EIF3M: variants seen among roughly 807,000 people sequenced by gnomAD.
EIF3M encodes B5 receptor.
In EIF3M, 25 loss-of-function variants were observed where a neutral mutation model predicts 49.7. That is an observed-to-expected ratio of 0.50 (90% CI 0.37 to 0.70). EIF3M has a LOEUF of 0.70. Ranked by LOEUF, EIF3M falls within the 30% of genes least tolerant of loss-of-function variation. The pLI is 0.00. For missense variants in EIF3M, 350 were observed against 440.0 expected, an observed-to-expected ratio of 0.80 and a Z score of 1.83; for synonymous variants, 156 against 149.8, an observed-to-expected ratio of 1.04 and a Z score of -0.30.
intron 6 of EIF3M, 138 bp downstream of exon 6, chr11:32,594,087 C>A: frequency 2.1e-6 from 1 of 476,750 alleles, no homozygotes; most frequent in Non-Finnish European, 3.5e-6. Context: ...CCTGGTGATT[C>A]TAATGTAGAT....
At chr11:32,588,138 C>T (rs2133193864) in intron 2 of EIF3M, among the ~76,000 whole-genome samples, 1 of 152,206 alleles carries the variant, frequency 6.6e-6, no homozygotes, top group Middle Eastern at 3.4e-3. Context: ...CGCCTGTAAT[C>T]CCAGCACTTT....
At chr11:32,598,087 T>C (rs534574386) in intron 8 of EIF3M, among the ~76,000 whole-genome samples, 2 of 152,290 alleles carry the variant, frequency 1.3e-5, no homozygotes, top group South Asian at 4.1e-4. Context: ...CCCAGTTAAT[T>C]TGTTTTGTGG....
chr11:32,596,045 T>G lies in EIF3M; in HGVS notation c.797T>G (p.Leu266Arg). 6.4e-7 allele frequency: 1 copy of G among 1,550,718 alleles called. No homozygotes were observed. The highest frequency in any genetic ancestry group is 8.6e-7 in the Non-Finnish European group (1 of 1,158,214). The change falls in exon 8 of 11, where the codon CTT becomes CGT. Residue 266 changes from leucine to arginine, a missense_variant and splice_region_variant. Leu to Arg is a moderately radical substitution (Grantham distance 102). Transcript: ENST00000531120. ...YQNNKDFIDS[L>R]GLLHEQNMAK... Reference sequence around the variant, plus strand: ...AATAATAAAGACTTCATTGATTCACTTGGTAAGTTTTGGGGTTTATTCTTT... The same window carrying G: ...AATAATAAAGACTTCATTGATTCACGTGGTAAGTTTTGGGGTTTATTCTTT...
intron 10 of EIF3M, 176 bp from the exon 11 acceptor site, chr11:32,602,103 A>G: frequency 9.4e-7 from 1 of 1,066,828 alleles, no homozygotes; most frequent in Non-Finnish European, 1.4e-6. Flanking sequence ...TAGAAGGCTT[A>G]GGATCAATAT....
At chr11:32,588,893 C>T in intron 3 of EIF3M, 119 bp from the exon 4 acceptor site, 1 of 1,530,292 alleles carries the variant, frequency 6.5e-7, no homozygotes, top group Non-Finnish European at 8.8e-7. Context: ...GCCCTAGTTT[C>T]CTCCTTTGTA....
In EIF3M at chr11:32,606,088, A is replaced by G. The variant is rs1170303779; in HGVS notation, c.*3689A>G. ...CATTCCTGGATATAATCAAGATTGC[A>G]GTAGGCTAACAATCTAATGCTGAAA... On this transcript the variant is annotated 3_prime_UTR_variant, in exon 11 of 11. Coordinates refer to ENST00000531120, the MANE Select transcript of EIF3M (RefSeq NM_006360.6). The G allele has an allele frequency of 1.3e-5, 2 of 152,168 alleles. No homozygotes were observed. Among genetic ancestry groups the G allele is most frequent in the Non-Finnish European group, 2.9e-5 (2 of 68,036 alleles). The allele number at this position is 152,168 out of a possible 1,614,324, so 9.4% of individuals were successfully genotyped here.
At chr11:32,586,861 A>C in intron 1 of EIF3M, 151 bp from the exon 2 acceptor site, 9 of 1,060,122 alleles carry the variant, frequency 8.5e-6, no homozygotes, top group Non-Finnish European at 1.2e-5. Flanking sequence ...TGGGATTGCC[A>C]AGATGGATGA....
Position 32,602,697 on chromosome 11 carries a change from T to C in EIF3M, c.*298T>C, listed in dbSNP as rs1365942748. ...TACAATTTCTTCACATTAGAAAAACTTGGAAAAGCAAAGACAAACTGTAGA... is the reference window on the plus strand; with the variant it reads ...TACAATTTCTTCACATTAGAAAAACCTGGAAAAGCAAAGACAAACTGTAGA... On this transcript the variant is annotated 3_prime_UTR_variant, in exon 11 of 11. Transcript: ENST00000531120. The C allele has an allele frequency of 2.2e-5, 20 of 927,122 alleles. No individual in the cohort carries two copies. Among genetic ancestry groups the C allele is most frequent in the South Asian group, 3.7e-5 (2 of 53,494 alleles). 57.4% of individuals were successfully genotyped at this position (927,122 alleles called of 1,614,324 possible).
At chr11:32,584,091 C>A in intron 1 of EIF3M, 162 bp downstream of exon 1, 1 of 882,614 alleles carries the variant, frequency 1.1e-6, no homozygotes, top group Non-Finnish European at 1.7e-6. Flanking sequence ...TTCCTGGCCT[C>A]GATTCGCACC....
At position 32,583,884 on chromosome 11, in the gene EIF3M, C is replaced by T. The variant is rs1854946272; in HGVS notation, c.-4C>T. 6.2e-7 allele frequency: 1 copy of T among 1,613,572 alleles called. No homozygotes were observed. Among genetic ancestry groups the T allele is most frequent in the African/African-American group, 1.3e-5 (1 of 74,932 alleles). ...GGAGTGTCCGCTGTGCCCGGGCCTG[C>T]ACCATGAGCGTCCCGGCCTTCATCG... On this transcript the variant is annotated 5_prime_UTR_variant, in exon 1 of 11. Coordinates refer to ENST00000531120, the MANE Select transcript of EIF3M (RefSeq NM_006360.6).
In EIF3M at chr11:32,605,342, C is replaced by CTGAT. The variant is rs767446416; in HGVS notation, c.*2946_*2949dup. 7 of 151,962 alleles carry CTGAT rather than the reference C, an allele frequency of 4.6e-5. No individual in the cohort carries two copies. Among genetic ancestry groups the CTGAT allele is most frequent in the Non-Finnish European group, 7.4e-5 (5 of 68,006 alleles). The allele number at this position is 151,962 out of a possible 1,614,324, so 9.4% of individuals were successfully genotyped here. ...GGGGTGATTCTTTGTTCATATTTAT[C>CTGAT]TGATTGGCTTTGTTCTTCCAAAAGT... On this transcript the variant is annotated 3_prime_UTR_variant, in exon 11 of 11. Transcript: ENST00000531120.
intron 5 of EIF3M, among the ~76,000 whole-genome samples, chr11:32,590,392 C>G (rs1034730740): frequency 2.6e-5 from 4 of 152,136 alleles, no homozygotes; most frequent in Non-Finnish European, 5.9e-5. Context: ...TTTGCCTACC[C>G]CTTGTCTAAG....
intron 10 of EIF3M, 30 bp from the exon 11 acceptor site, chr11:32,602,249 T>TAACA (rs750456612): frequency 9.4e-6 from 15 of 1,602,634 alleles, no homozygotes; most frequent in African/African-American, 5.4e-5. Flanking sequence ...AAAGGTTGAC[T>TAACA]AACACTGTGT....
intron 2 of EIF3M, among the ~76,000 whole-genome samples, 196 bp from the exon 3 acceptor site, chr11:32,588,388 GAAAAAAAAAA>G (rs71463359): frequency 3.2e-5 from 3 of 93,052 alleles, no homozygotes; most frequent in Non-Finnish European, 2.2e-5. Context: ...GACTTCATCT[GAAAAAAAAAA>G]AAAAAAAAAA....
At chr11:32,586,021 G>C (rs1176280059) in intron 1 of EIF3M, among the ~76,000 whole-genome samples, 1 of 152,180 alleles carries the variant, frequency 6.6e-6, no homozygotes, top group Non-Finnish European at 1.5e-5. Flanking sequence ...CCGGAGGTCA[G>C]GTGTTTGAGA....
chr11:32,592,566 G>A (rs1855119644), intron 5 of EIF3M: 1 of 542,882 alleles, frequency 1.8e-6, no homozygotes, highest in South Asian at 1.4e-5. Context: ...ACACATTGCT[G>A]CATCCACCTC....
chr11:32,588,901 G>T, intron 3 of EIF3M, 111 bp from the exon 4 acceptor site: 1 of 1,533,004 alleles, frequency 6.5e-7, no homozygotes. Flanking sequence ...TTCCTCCTTT[G>T]TAATATGAAG....
Position 32,593,888 on chromosome 11 carries a change from G to C in EIF3M, c.556G>C (p.Val186Leu). 3 of 1,578,078 alleles carry C rather than the reference G, an allele frequency of 1.9e-6. No individual in the cohort carries two copies. Among genetic ancestry groups the C allele is most frequent in the Non-Finnish European group, 2.6e-6 (3 of 1,163,714 alleles). Reference protein sequence around the residue: ...KKSDAASKVMVELLGSYTEDN... With the variant: ...KKSDAASKVMLELLGSYTEDN... ...TAGTGATGCTGCTTCAAAAGTCATG[G>C]TGGAATTGCTCGGAAGTTACACAGA... The change falls in exon 6 of 11, where the codon GTG (valine) becomes CTG (leucine). Residue 186 changes from valine to leucine, a missense_variant. Transcript: ENST00000531120.
rs935129043 is a variant in EIF3M at position 32,593,380 on chromosome 11, T to C, written c.534-486T>C. ...TAAGTAGAGTTATTTAAATATTTGG[T>C]ATTGTCTCAACTTCAGCCATACTGT... is the stretch of plus-strand genomic sequence containing the variant. On this transcript the variant is annotated intron_variant, in intron 5 of 10. Transcript: ENST00000531120. 2.0e-5 allele frequency among the ~76,000 whole-genome samples: 3 copies of C among 152,212 alleles called. No homozygotes were observed. In the South Asian group the frequency reaches 6.2e-4, roughly 32 times the overall value.
Sources: allele counts gnomAD v4.1 joint callset (sites outside exome capture counted in the v4.1 genomes callset), GRCh38; gene constraint gnomAD v4.1.1; transcripts MANE v1.5; gene names NCBI Gene and HGNC (gene_info 2026-07-23, HGNC 2026-07-21).